The following SHLD1 variants were observed in gnomAD, a reference collection of about 807,000 sequenced individuals.
SHLD1 encodes the protein RINN1-REV7-interacting novel NHEJ regulator 3.
A neutral mutation model predicts 5.5 loss-of-function variants in SHLD1; 3 were observed. The ratio of observed to expected loss-of-function variants is 0.54; its 90% CI spans 0.25 to 1.40. SHLD1 has a LOEUF of 1.40. Ranked by LOEUF, SHLD1 falls within the 40% of genes most tolerant of loss-of-function variation. The probability of loss-of-function intolerance (pLI) is 0.15; values close to 1 mark genes in which losing one functional copy is unlikely to be tolerated. For synonymous variants in SHLD1, 92 were observed against 94.3 expected, an observed-to-expected ratio of 0.98 and a Z score of 0.14; for missense variants, 210 against 244.4, an observed-to-expected ratio of 0.86 and a Z score of 0.94.
At chr20:5,850,651 C>G (rs1041839282) in intron 2 of SHLD1, among the ~76,000 whole-genome samples, 11 of 152,002 alleles carry the variant, frequency 7.2e-5, no homozygotes, top group African/African-American at 2.7e-4. Context: ...GCTGGGATTA[C>G]AGGTGTGTGC....
Position 5,775,923 on chromosome 20 carries a change from A to ATTTTTTTTTTTTTTTTTTTTTTTT in SHLD1, c.178+2902_178+2903insTTTTTTTTTTTTTTTTTTTTTTTT, listed in dbSNP as rs533313849. On this transcript the variant is annotated intron_variant, in intron 2 of 2. Transcript: ENST00000303142. Reference sequence around the variant, plus strand: ...TGCAGTACTGCCTGGTCAGCTCAGGATTTTTTTTTTTTTTTTTTTTTTGAG... The same window carrying ATTTTTTTTTTTTTTTTTTTTTTTT: ...TGCAGTACTGCCTGGTCAGCTCAGGATTTTTTTTTTTTTTTTTTTTTTTTTTTTTTTTTTTTTTTTTTTTTTGAG... Among the ~76,000 whole-genome samples, 22 of 77,684 alleles carry ATTTTTTTTTTTTTTTTTTTTTTTT rather than the reference A, an allele frequency of 2.8e-4. 5 individuals carry two copies. The highest frequency in any genetic ancestry group is 9.4e-4 in the South Asian group (2 of 2,138). 51.0% of individuals were successfully genotyped at this position (77,684 alleles called of 152,430 possible).
At chr20:5,783,143 A>T (rs1036843587) in intron 2 of SHLD1, among the ~76,000 whole-genome samples, 4 of 152,158 alleles carry the variant, frequency 2.6e-5, no homozygotes, top group African/African-American at 9.7e-5. Context: ...TACCAAGTAG[A>T]TGGGCTTTAT....
intron 1 of SHLD1, among the ~76,000 whole-genome samples, chr20:5,759,271 AT>A (rs1016475919): frequency 6.2e-4 from 89 of 143,996 alleles, no homozygotes; most frequent in Middle Eastern, 4.2e-3. Flanking sequence ...TTTTTAATTA[AT>A]TTTTTTTTTG....
chr20:5,770,004 C>CAAAAAA (rs113692130), intron 1 of SHLD1, among the ~76,000 whole-genome samples: 1 of 55,078 alleles, frequency 1.8e-5, no homozygotes, highest in Non-Finnish European at 3.4e-5. Context: ...AACTCCTTCT[C>CAAAAAA]AAAAAAAAAA....
intron 2 of SHLD1, among the ~76,000 whole-genome samples, chr20:5,840,890 A>G (rs185925368): frequency 6.7e-6 from 1 of 150,276 alleles, no homozygotes; most frequent in Admixed American, 6.6e-5. Flanking sequence ...TAAAGTGCTT[A>G]GAACATTATC....
In SHLD1 at chr20:5,772,847, T is replaced by A. The variant is rs755049855; in HGVS notation, c.-4-15T>A. ...GTGCCTTTTGTACTGAATTGTTTTC[T>A]TTTTTCCATGGCAGGACTATGGCAG... On this transcript the variant is annotated splice_polypyrimidine_tract_variant and intron_variant, in intron 1 of 2. Coordinates refer to ENST00000303142, the MANE Select transcript of SHLD1 (RefSeq NM_152504.4). The A allele has an allele frequency of 3.8e-6, 6 of 1,598,230 alleles. No individual in the cohort carries two copies. The highest frequency in any genetic ancestry group is 5.1e-6 in the Non-Finnish European group (6 of 1,171,954).
intron 2 of SHLD1, among the ~76,000 whole-genome samples, chr20:5,809,210 A>G (rs2087424481): frequency 6.6e-6 from 1 of 152,156 alleles, no homozygotes; most frequent in Non-Finnish European, 1.5e-5. Flanking sequence ...TAAATAGTGG[A>G]AAGGATCTTA....
intron 2 of SHLD1, among the ~76,000 whole-genome samples, chr20:5,845,752 A>G (rs925591291): frequency 6.6e-6 from 1 of 152,216 alleles, no homozygotes; most frequent in Non-Finnish European, 1.5e-5. Context: ...GTTTCTAAAA[A>G]GGAGATTCTG....
At chr20:5,838,385 G>T (rs997909874) in intron 2 of SHLD1, among the ~76,000 whole-genome samples, 2 of 152,198 alleles carry the variant, frequency 1.3e-5, no homozygotes, top group African/African-American at 4.8e-5. Flanking sequence ...CTTTTTCATT[G>T]TAAGACTTTT....
intron 1 of SHLD1, among the ~76,000 whole-genome samples, chr20:5,757,504 G>A (rs1031149291): frequency 3.9e-5 from 6 of 152,114 alleles, no homozygotes; most frequent in Non-Finnish European, 8.8e-5. Flanking sequence ...TCATGAAAGG[G>A]TGTTTGACTT....
chr20:5,769,353 T>C (rs1985020418), intron 1 of SHLD1, among the ~76,000 whole-genome samples: 1 of 152,218 alleles, frequency 6.6e-6, no homozygotes, highest in Non-Finnish European at 1.5e-5. Flanking sequence ...TGAGAGCAAT[T>C]CTTTCTCATG....
chr20:5,797,886 A>T (rs417235), intron 2 of SHLD1, among the ~76,000 whole-genome samples: 7,035 of 152,238 alleles, frequency 0.046, 531 homozygotes, highest in African/African-American at 0.16. Context: ...ACATGTAGAT[A>T]TGACCCTCTG....
chr20:5,841,911 A>C (rs1259339906), intron 2 of SHLD1, among the ~76,000 whole-genome samples: 2 of 152,242 alleles, frequency 1.3e-5, no homozygotes, highest in Non-Finnish European at 2.9e-5. Context: ...GCATGAGCTG[A>C]GTTAGGAAGA....
chr20:5,753,872 C>T (rs963433009), intron 1 of SHLD1, among the ~76,000 whole-genome samples: 5 of 152,178 alleles, frequency 3.3e-5, no homozygotes, highest in Non-Finnish European at 7.3e-5. Context: ...GAGATCCGTT[C>T]GGAACCCCCC....
In SHLD1 at chr20:5,773,043, G is replaced by A. The variant is rs1568495061; in HGVS notation, c.178G>A (p.Asp60Asn). The change falls in exon 2 of 3, where the codon GAC (aspartate) becomes AAC (asparagine). Residue 60 changes from aspartate (D) to asparagine (N), a missense_variant and splice_region_variant. Physicochemically the swap from Asp to Asn is conservative, Grantham distance 23. Transcript: ENST00000303142. The part of the protein sequence containing the change: ...SFPYSSDVDP[D>N]TSNLNIEQNN... ...TCCTTATTCTTCTGATGTGGATCCA[G>A]GTAATAAGCAGAGTTTAAAACAAAC... 1 of 1,614,180 alleles carries A rather than the reference G, an allele frequency of 6.2e-7. No homozygotes were observed. Among genetic ancestry groups the A allele is most frequent in the Non-Finnish European group, 8.5e-7 (1 of 1,180,010 alleles).
intron 1 of SHLD1, among the ~76,000 whole-genome samples, chr20:5,765,540 G>T (rs1350909214): frequency 6.6e-6 from 1 of 151,958 alleles, no homozygotes; most frequent in Non-Finnish European, 1.5e-5. Flanking sequence ...GAGCCACCAC[G>T]CCAGGCCACG....
Position 5,855,451 on chromosome 20 carries a change from A to G in SHLD1, c.179-7573A>G, listed in dbSNP as rs1381228590. Reference sequence around the variant, plus strand: ...CAGTGGGATGATCTTGGCTCATGGCAACCTCCACCTCCCGCGTTCAAGAGA... The same window carrying G: ...CAGTGGGATGATCTTGGCTCATGGCGACCTCCACCTCCCGCGTTCAAGAGA... On this transcript the variant is annotated intron_variant, in intron 2 of 2. Coordinates refer to ENST00000303142, the MANE Select transcript of SHLD1 (RefSeq NM_152504.4). The surrounding 1 kb of genome is among the most constrained non-coding windows in gnomAD (Gnocchi z 4.4). Among the ~76,000 whole-genome samples the G allele has an allele frequency of 1.3e-5, 2 of 152,090 alleles. No homozygotes were observed. Among genetic ancestry groups the G allele is most frequent in the African/African-American group, 4.8e-5 (2 of 41,394 alleles).
intron 2 of SHLD1, among the ~76,000 whole-genome samples, chr20:5,796,101 C>T (rs574076718): frequency 2.0e-5 from 3 of 152,162 alleles, no homozygotes; most frequent in Non-Finnish European, 4.4e-5. Flanking sequence ...GAAGCTATTA[C>T]ATTCTGGGTG....
intron 2 of SHLD1, among the ~76,000 whole-genome samples, chr20:5,778,063 T>A (rs1328255922): frequency 6.6e-6 from 1 of 151,592 alleles, no homozygotes; most frequent in Non-Finnish European, 1.5e-5. Flanking sequence ...TCATGCCTGT[T>A]ATCTGGCATA....
Sources: gnomAD v4.1 joint callset for allele counts (sites outside exome capture counted in the v4.1 genomes callset) on GRCh38, gnomAD v4.1.1 for gene constraint, Gnocchi (gnomAD v3.1) non-coding constraint, MANE v1.5 for transcripts, NCBI Gene and HGNC (gene_info 2026-07-23, HGNC 2026-07-21) for gene names.